Variants in FLVCR1 observed in about 807,000 individuals in gnomAD.
FLVCR1 encodes FLVCR choline and heme transporter 1.
In FLVCR1, 34 loss-of-function variants were observed where a neutral mutation model predicts 53.6. The ratio of observed to expected loss-of-function variants is 0.63; its 90% CI spans 0.48 to 0.84. FLVCR1 has a LOEUF of 0.84. FLVCR1 is among the 40% of genes least tolerant of loss of function. The probability of loss-of-function intolerance (pLI) is 0.00; values close to 1 mark genes in which losing one functional copy is unlikely to be tolerated. For missense variants in FLVCR1, 677 were observed against 696.7 expected (o/e 0.97, Z 0.32); for synonymous variants, 300 against 286.3 (o/e 1.05, Z -0.48).
chr1:212,889,847 T>A (rs1665147069), intron 8 of FLVCR1, among the ~76,000 whole-genome samples: 1 of 152,152 alleles, frequency 6.6e-6, no homozygotes, highest in African/African-American at 2.4e-5. Flanking sequence ...AGTGTGACTT[T>A]AGACCCGTTG....
intron 9 of FLVCR1, 41 bp downstream of exon 9, chr1:212,895,094 A>G (rs17019873): frequency 0.22 from 305,503 of 1,376,108 alleles, 39,746 homozygotes; most frequent in Admixed American, 0.51. Flanking sequence ...AGAAGTATGT[A>G]TAGAATAAAT....
At chr1:212,872,914 A>T in intron 3 of FLVCR1, 96 bp downstream of exon 3, 2 of 1,339,042 alleles carry the variant, frequency 1.5e-6, no homozygotes, top group African/African-American at 2.9e-5. Context: ...CTTCAATGAG[A>T]TTGGCCTGTT....
Position 212,863,789 on chromosome 1 carries a change from A to G in FLVCR1, c.803A>G (p.Asn268Ser), listed in dbSNP as rs1225709279. Residue 268 changes from asparagine (N) to serine (S), a missense_variant, in exon 2 of 10, where the codon AAT (asparagine) becomes AGT (serine). Coordinates refer to ENST00000366971, the MANE Select transcript of FLVCR1 (RefSeq NM_014053.4). Reference sequence around the variant, plus strand: ...GTACCCAACACACAGAATGACACAAATCTCCTGGCTTGTAATATCAGCACC... The same window carrying G: ...GTACCCAACACACAGAATGACACAAGTCTCCTGGCTTGTAATATCAGCACC... ...VLVPNTQNDT[N>S]LLACNISTMF... The G allele has an allele frequency of 1.9e-6, 3 of 1,613,978 alleles. No individual in the cohort carries two copies. Among genetic ancestry groups the G allele is most frequent in the Non-Finnish European group, 2.5e-6 (3 of 1,179,870 alleles).
At chr1:212,887,594 T>C (rs1324166763) in intron 5 of FLVCR1, among the ~76,000 whole-genome samples, 1 of 152,220 alleles carries the variant, frequency 6.6e-6, no homozygotes, top group Non-Finnish European at 1.5e-5. Flanking sequence ...AGAGGTAGAA[T>C]TTGATCTGAA....
At chr1:212,883,562 G>T in intron 4 of FLVCR1, 124 bp downstream of exon 4, 2 of 644,704 alleles carry the variant, frequency 3.1e-6, no homozygotes, top group Non-Finnish European at 2.8e-6. Flanking sequence ...ATTTACATTT[G>T]TTTTAATTGA....
intron 3 of FLVCR1, among the ~76,000 whole-genome samples, 171 bp from the exon 4 acceptor site, chr1:212,883,200 G>A (rs766231335): frequency 6.6e-6 from 1 of 152,104 alleles, no homozygotes; most frequent in Non-Finnish European, 1.5e-5. Context: ...GTTCTGAAAG[G>A]GAATGACAAT....
chr1:212,898,424 T>TAA lies in FLVCR1; in HGVS notation c.*3134_*3135insAA, dbSNP rs1381713142. 5.3e-5 allele frequency: 8 copies of TAA among 152,252 alleles called. No individual in the cohort carries two copies. The highest frequency in any genetic ancestry group is 1.9e-4 in the African/African-American group (8 of 41,478). 9.4% of individuals were successfully genotyped at this position (152,252 alleles called of 1,614,324 possible). A position where few individuals can be genotyped will look rare whatever the true frequency, so the allele number is the denominator to read the frequency against. On this transcript the variant is annotated 3_prime_UTR_variant, in exon 10 of 10. Transcript: ENST00000366971. The stretch of plus-strand genomic sequence containing the variant: ...ATTTTAAGGTCTCTCCCCAAATGTT[T>TAA]TTATTTTTAAACTATCAATGTTGTT...
intron 8 of FLVCR1, among the ~76,000 whole-genome samples, chr1:212,890,696 G>T (rs1282988397): frequency 6.6e-6 from 1 of 152,180 alleles, no homozygotes; most frequent in East Asian, 1.9e-4. Flanking sequence ...CGTTGATCTG[G>T]TTATAACTTA....
intron 3 of FLVCR1, among the ~76,000 whole-genome samples, chr1:212,874,501 G>A (rs1369955457): frequency 6.8e-6 from 1 of 146,330 alleles, no homozygotes; most frequent in Non-Finnish European, 1.5e-5. Context: ...CATTTCTTTT[G>A]CCTGTCATTT....
chr1:212,862,448 C>T (rs1382804932), intron 1 of FLVCR1, among the ~76,000 whole-genome samples: 1 of 152,134 alleles, frequency 6.6e-6, no homozygotes, highest in Non-Finnish European at 1.5e-5. Context: ...TTGTGTCTGG[C>T]TTCTTTCACT....
rs114998836 is a variant in FLVCR1 at position 212,892,843 on chromosome 1, A to G, written c.1526-2143A>G. 4.3e-3 allele frequency among the ~76,000 whole-genome samples: 661 copies of G among 152,240 alleles called. 3 individuals are homozygous for G. The highest frequency in any genetic ancestry group is 0.015 in the African/African-American group (612 of 41,552). On this transcript the variant is annotated intron_variant, in intron 8 of 9. Transcript: ENST00000366971. ...ATGCCATTAAGAACATTCTTGATTC[A>G]TGGGAGGAGGTCAAACTATCAACAT...
chr1:212,863,801 G>A lies in FLVCR1; in HGVS notation c.815G>A (p.Cys272Tyr). 1.2e-6 allele frequency: 2 copies of A among 1,613,902 alleles called. No homozygotes were observed. Among genetic ancestry groups the A allele is most frequent in the Non-Finnish European group, 1.7e-6 (2 of 1,179,820 alleles). The change falls in exon 2 of 10, where the codon TGT becomes TAT. Residue 272 changes from cysteine to tyrosine, a missense_variant. Transcript: ENST00000366971. ...NTQNDTNLLA[C>Y]NISTMFYGTS... Reference sequence around the variant, plus strand: ...CAGAATGACACAAATCTCCTGGCTTGTAATATCAGCACCATGTTTTATGGA... The same window carrying A: ...CAGAATGACACAAATCTCCTGGCTTATAATATCAGCACCATGTTTTATGGA...
intron 6 of FLVCR1, 135 bp downstream of exon 6, chr1:212,888,136 C>A: frequency 1.6e-6 from 1 of 641,322 alleles, no homozygotes. Flanking sequence ...TCATTCTATG[C>A]ATATAAACAT....
intron 2 of FLVCR1, among the ~76,000 whole-genome samples, chr1:212,871,406 T>C (rs1315705861): frequency 1.3e-5 from 2 of 152,170 alleles, no homozygotes; most frequent in Non-Finnish European, 2.9e-5. Flanking sequence ...TTTTGTGTTT[T>C]TTGTTTGTTT....
At chr1:212,890,877 A>G (rs1442569466) in intron 8 of FLVCR1, among the ~76,000 whole-genome samples, 2 of 152,228 alleles carry the variant, frequency 1.3e-5, no homozygotes, top group African/African-American at 4.8e-5. Context: ...CGCTCACTCA[A>G]TTGTATGAAT....
In FLVCR1 at chr1:212,858,519, C is replaced by A; in HGVS notation, c.67C>A (p.Leu23Ile). The change falls in exon 1 of 10, where the codon CTC becomes ATC. Residue 23 changes from leucine (L) to isoleucine (I), a missense_variant. By Grantham distance (5) the Leu-to-Ile change is conservative. Coordinates refer to ENST00000366971, the MANE Select transcript of FLVCR1 (RefSeq NM_014053.4). ...APGHPLAKGY[L>I]PLPRGAPVGK... ...CGGACACCCGCTCGCGAAAGGATACCTCCCGTTGCCGAGGGGCGCGCCCGT... is the reference window on the plus strand; with the variant it reads ...CGGACACCCGCTCGCGAAAGGATACATCCCGTTGCCGAGGGGCGCGCCCGT... 2 of 1,458,800 alleles carry A rather than the reference C, an allele frequency of 1.4e-6. No individual in the cohort carries two copies. Among genetic ancestry groups the A allele is most frequent in the Middle Eastern group, 2.1e-4 (1 of 4,738 alleles). The allele number at this position is 1,458,800 out of a possible 1,614,324, so 90.4% of individuals were successfully genotyped here. A position where few individuals can be genotyped will look rare whatever the true frequency, so the allele number is the denominator to read the frequency against.
In FLVCR1 at chr1:212,859,181, G is replaced by A. The variant is rs780360002; in HGVS notation, c.729G>A (p.Leu243=). The A allele has an allele frequency of 6.2e-7, 1 of 1,613,906 alleles. No individual in the cohort carries two copies. Among genetic ancestry groups the A allele is most frequent in the Admixed American group, 1.7e-5 (1 of 60,010 alleles). ...CCACAGCTTGTGCCACCGCCGTGCT[G>A]GGCAATCAGGTAAGTACTGGAGTGG... ...EVSTACATAV[L]GNQLGTAVGF... The change falls in exon 1 of 10, where the codon CTG becomes CTA. Residue 243 remains leucine, a synonymous_variant. Coordinates refer to ENST00000366971, the MANE Select transcript of FLVCR1 (RefSeq NM_014053.4).
At chr1:212,877,768 T>G (rs1030976489) in intron 3 of FLVCR1, among the ~76,000 whole-genome samples, 2 of 149,248 alleles carry the variant, frequency 1.3e-5, no homozygotes, top group African/African-American at 4.9e-5. Flanking sequence ...CTGATAAAGC[T>G]TATCTACAAA....
intron 3 of FLVCR1, among the ~76,000 whole-genome samples, chr1:212,877,434 C>T (rs529480145): frequency 1.1e-4 from 17 of 152,094 alleles, no homozygotes; most frequent in African/African-American, 3.4e-4. Context: ...AGGATGGTCT[C>T]GATGTCCTGA....
Sources: gnomAD v4.1 joint callset for allele counts (sites outside exome capture counted in the v4.1 genomes callset) on GRCh38, gnomAD v4.1.1 for gene constraint, MANE v1.5 for transcripts, NCBI Gene and HGNC (gene_info 2026-07-23, HGNC 2026-07-21) for gene names.